Variants in VTI1A observed in about 807,000 individuals in gnomAD.
VTI1A encodes the protein vesicle transport through interaction with t-SNAREs homolog 1A.
A neutral mutation model predicts 34.9 loss-of-function variants in VTI1A; 22 were observed. That is an observed-to-expected ratio of 0.63 (90% CI 0.45 to 0.90). The LOEUF (loss-of-function observed/expected upper bound fraction) is 0.90, where lower values mean the gene tolerates loss of function less well. VTI1A is among the 40% of genes least tolerant of loss of function. The pLI, the probability that VTI1A is intolerant of heterozygous loss-of-function variation, is 0.00. For missense variants in VTI1A, 268 were observed against 275.6 expected, an observed-to-expected ratio of 0.97 and a Z score of 0.20; for synonymous variants, 87 against 97.3, an observed-to-expected ratio of 0.89 and a Z score of 0.62.
intron 5 of VTI1A, among the ~76,000 whole-genome samples, chr10:112,601,266 A>G (rs1466061341): frequency 1.3e-5 from 2 of 152,146 alleles, no homozygotes; most frequent in African/African-American, 4.8e-5. Context: ...ATGCTTTTCT[A>G]AAGAAAGATA....
downstream of VTI1A, among the ~76,000 whole-genome samples, chr10:112,820,350 G>A (rs546941022): frequency 6.6e-6 from 1 of 152,344 alleles, no homozygotes; most frequent in South Asian, 2.1e-4. Flanking sequence ...CCCTGGTTGA[G>A]GGTCTGCCTG....
chr10:112,678,589 C>G (rs148778740), intron 7 of VTI1A, among the ~76,000 whole-genome samples: 7 of 152,294 alleles, frequency 4.6e-5, no homozygotes, highest in African/African-American at 9.6e-5. Context: ...CCACAAATCT[C>G]CCCCTTCTTC....
At chr10:112,806,110 T>A (rs910763477) in intron 7 of VTI1A, among the ~76,000 whole-genome samples, 2 of 152,124 alleles carry the variant, frequency 1.3e-5, no homozygotes, top group African/African-American at 4.8e-5. Flanking sequence ...AGTTCCTTGC[T>A]GGAGAAAGTG....
chr10:112,453,599 C>T (rs1847320923), intron 1 of VTI1A, among the ~76,000 whole-genome samples: 1 of 151,994 alleles, frequency 6.6e-6, no homozygotes, highest in Non-Finnish European at 1.5e-5. Flanking sequence ...TTAGCGTTGA[C>T]CATTGGGAGC....
the VTI1A span, among the ~76,000 whole-genome samples, chr10:112,837,744 C>A: frequency 6.6e-6 from 1 of 152,190 alleles, no homozygotes; most frequent in Non-Finnish European, 1.5e-5. Flanking sequence ...CAGGTAATTC[C>A]TAGCCACAGG....
At chr10:112,842,381 A>C in the VTI1A span, among the ~76,000 whole-genome samples, 1 of 152,198 alleles carries the variant, frequency 6.6e-6, no homozygotes, top group Admixed American at 6.5e-5. Flanking sequence ...ACTAGCTCAC[A>C]TCAAAGTAGC....
chr10:112,451,852 T>C (rs1847252449), intron 1 of VTI1A, among the ~76,000 whole-genome samples: 1 of 152,256 alleles, frequency 6.6e-6, no homozygotes, highest in Admixed American at 6.5e-5. Flanking sequence ...TTTAGAGCTG[T>C]AATATCTACG....
intron 7 of VTI1A, among the ~76,000 whole-genome samples, chr10:112,670,687 A>G (rs951507228): frequency 3.5e-4 from 53 of 152,322 alleles, no homozygotes; most frequent in African/African-American, 1.2e-3. Flanking sequence ...TAGGGAAATC[A>G]TAATAACGTG....
intron 5 of VTI1A, among the ~76,000 whole-genome samples, chr10:112,587,708 TA>T (rs1005214129): frequency 1.8e-4 from 27 of 152,146 alleles, no homozygotes; most frequent in African/African-American, 5.8e-4. Context: ...CAGATACAAT[TA>T]GAACTAAGAA....
intron 3 of VTI1A, among the ~76,000 whole-genome samples, chr10:112,515,996 G>T (rs1319822335): frequency 6.6e-6 from 1 of 151,974 alleles, no homozygotes; most frequent in Non-Finnish European, 1.5e-5. Context: ...GTTTTTGTTG[G>T]CATGTTCCCC....
chr10:112,644,091 A>T (rs914463100), intron 5 of VTI1A, among the ~76,000 whole-genome samples: 1 of 152,190 alleles, frequency 6.6e-6, no homozygotes, highest in African/African-American at 2.4e-5. Context: ...ATGCACTGCA[A>T]AGTATGTGCA....
At chr10:112,731,479 G>A (rs979282527) in intron 7 of VTI1A, among the ~76,000 whole-genome samples, 5 of 151,848 alleles carry the variant, frequency 3.3e-5, no homozygotes, top group African/African-American at 4.8e-5. Context: ...GGAGGCTGAG[G>A]CAGGAGAATC....
chr10:112,716,345 G>A (rs1055296352), intron 7 of VTI1A, among the ~76,000 whole-genome samples: 2 of 152,202 alleles, frequency 1.3e-5, no homozygotes, highest in African/African-American at 4.8e-5. Flanking sequence ...ATGCTGTTGA[G>A]ACATGGCAGG....
the VTI1A span, among the ~76,000 whole-genome samples, chr10:112,844,240 C>A: frequency 1.3e-5 from 2 of 152,190 alleles, no homozygotes; most frequent in Non-Finnish European, 2.9e-5. Flanking sequence ...AACACCAGCT[C>A]TTCTTCTCTT....
chr10:112,645,565 C>T (rs1031057619), intron 5 of VTI1A, among the ~76,000 whole-genome samples: 2 of 152,132 alleles, frequency 1.3e-5, no homozygotes, highest in Admixed American at 6.6e-5. Context: ...GTGTATTTTG[C>T]GTTACGTAAG....
At chr10:112,778,126 A>G (rs146292895) in intron 7 of VTI1A, among the ~76,000 whole-genome samples, 2 of 152,260 alleles carry the variant, frequency 1.3e-5, no homozygotes, top group Admixed American at 6.5e-5. Flanking sequence ...AAAAAAGTGT[A>G]TTGGTGATAG....
chr10:112,827,694 T>G, the VTI1A span: 2 of 152,246 alleles, frequency 1.3e-5, no homozygotes, highest in East Asian at 3.9e-4. Flanking sequence ...ACTTGTATTA[T>G]TTGATGAGTT....
intron 7 of VTI1A, among the ~76,000 whole-genome samples, chr10:112,740,806 C>A (rs1850668477): frequency 6.6e-6 from 1 of 152,216 alleles, no homozygotes; most frequent in South Asian, 2.1e-4. Context: ...TATGATCCAG[C>A]ATTTCCATTA....
chr10:112,596,352 G>T (rs956667602), intron 5 of VTI1A, among the ~76,000 whole-genome samples: 3 of 151,928 alleles, frequency 2.0e-5, no homozygotes, highest in Non-Finnish European at 4.4e-5. Context: ...ATAGTATGAA[G>T]ACTTTTTTAT....
Sources: gnomAD v4.1 joint callset for allele counts (sites outside exome capture counted in the v4.1 genomes callset) on GRCh38, gnomAD v4.1.1 for gene constraint, MANE v1.5 for transcripts, NCBI Gene and HGNC (gene_info 2026-07-23, HGNC 2026-07-21) for gene names.